Variants in CDH8 observed in about 807,000 individuals in gnomAD.
CDH8 encodes the protein cadherin-8.
A neutral mutation model predicts 68.1 loss-of-function variants in CDH8; 17 were observed. The ratio of observed to expected loss-of-function variants is 0.25; its 90% CI spans 0.17 to 0.37. The LOEUF (loss-of-function observed/expected upper bound fraction) is 0.37, where lower values mean the gene tolerates loss of function less well. Ranked by LOEUF, CDH8 falls within the 10% of genes least tolerant of loss-of-function variation. The pLI is 1.00. For missense variants in CDH8, 763 were observed against 999.3 expected (o/e 0.76, Z 3.19); for synonymous variants, 372 against 365.1 (o/e 1.02, Z -0.21).
At chr16:61,781,050 C>T (rs1467902133) in intron 8 of CDH8, among the ~76,000 whole-genome samples, 1 of 152,200 alleles carries the variant, frequency 6.6e-6, no homozygotes, top group African/African-American at 2.4e-5. Context: ...TGTTTCTTGG[C>T]CAAAATGCAC....
chr16:61,728,677 T>C (rs1475955177), intron 8 of CDH8, among the ~76,000 whole-genome samples: 4 of 151,140 alleles, frequency 2.6e-5, no homozygotes, highest in Non-Finnish European at 4.5e-5. Flanking sequence ...CTAGGAAGTT[T>C]ATAATTTGAG....
At chr16:61,794,698 G>T (rs1053656738) in intron 7 of CDH8, among the ~76,000 whole-genome samples, 1 of 152,034 alleles carries the variant, frequency 6.6e-6, no homozygotes, top group Non-Finnish European at 1.5e-5. Context: ...GAAAGATGAA[G>T]CTGGGAAGGG....
chr16:62,007,816 AT>A, intron 2 of CDH8, among the ~76,000 whole-genome samples: 1 of 151,296 alleles, frequency 6.6e-6, no homozygotes, highest in East Asian at 2.0e-4. Context: ...CTCAGTCTTC[AT>A]TTTCACTTTA....
At chr16:61,668,846 GA>G (rs1963732975) in intron 10 of CDH8, among the ~76,000 whole-genome samples, 1 of 151,878 alleles carries the variant, frequency 6.6e-6, no homozygotes, top group Admixed American at 6.6e-5. Flanking sequence ...TAAGAAACTG[GA>G]AAAAGACAGA....
At chr16:61,733,706 T>C (rs1959600008) in intron 8 of CDH8, among the ~76,000 whole-genome samples, 1 of 151,710 alleles carries the variant, frequency 6.6e-6, no homozygotes, top group Non-Finnish European at 1.5e-5. Flanking sequence ...CAGATAAATT[T>C]CTCCAGCTGT....
Position 61,653,634 on chromosome 16 carries a change from C to G in CDH8, c.2374G>C (p.Val792Leu). The change falls in exon 12 of 12, where the codon GTT (valine) becomes CTT (leucine). Residue 792 changes from valine (V) to leucine (L), a missense_variant. Coordinates refer to ENST00000577390, the MANE Select transcript of CDH8 (RefSeq NM_001796.5). ...CAAGTTTCTTTGTCACTTTCACCAA[C>G]AGAGTAGAGTTCGCCCAGTCTCTTA... is the stretch of plus-strand genomic sequence containing the variant. ...RFKRLGELYS[V>L]GESDKET is the part of the protein sequence containing the mutation. 6.2e-7 allele frequency: 1 copy of G among 1,611,736 alleles called. No homozygotes were observed. Among genetic ancestry groups the G allele is most frequent in the Non-Finnish European group, 8.5e-7 (1 of 1,179,314 alleles).
At chr16:61,795,272 T>C (rs1961469863) in intron 7 of CDH8, among the ~76,000 whole-genome samples, 1 of 152,092 alleles carries the variant, frequency 6.6e-6, no homozygotes, top group African/African-American at 2.4e-5. Flanking sequence ...TCAGGCATCA[T>C]GATTTGAGGT....
At chr16:61,656,798 G>T (rs1233145501) in intron 10 of CDH8, among the ~76,000 whole-genome samples, 7 of 152,118 alleles carry the variant, frequency 4.6e-5, no homozygotes, top group African/African-American at 1.4e-4. Flanking sequence ...AGAAGTGATT[G>T]GTCCCACATT....
At chr16:61,707,362 T>C (rs2142859708) in intron 10 of CDH8, among the ~76,000 whole-genome samples, 1 of 152,306 alleles carries the variant, frequency 6.6e-6, no homozygotes, top group East Asian at 1.9e-4. Context: ...CAGACAAATG[T>C]TCAAGATTAT....
rs1306440227 is a variant in CDH8, at chr16:61,648,011, AG to A, written c.*5596del. 6 of 597,410 alleles carry A rather than the reference AG, an allele frequency of 1.0e-5. No homozygotes were observed. In the Admixed American group the frequency reaches 1.6e-4, roughly 16 times the overall value. The allele number at this position is 597,410 out of a possible 1,614,324, so 37.0% of individuals were successfully genotyped here. On this transcript the variant is annotated 3_prime_UTR_variant, in exon 12 of 12. Transcript: ENST00000577390. ...CTCAAGTTGGGGAAATAGTACCCAA[AG>A]GCACTATTTTCACCAGCAAATGCCT...
chr16:61,710,398 G>A (rs539987171), intron 10 of CDH8, among the ~76,000 whole-genome samples: 19 of 152,040 alleles, frequency 1.2e-4, no homozygotes, highest in Non-Finnish European at 2.2e-4. Context: ...GTAACACGAG[G>A]CATGTTTATT....
intron 2 of CDH8, among the ~76,000 whole-genome samples, chr16:61,904,775 C>T (rs1964035661): frequency 6.6e-6 from 1 of 152,160 alleles, no homozygotes; most frequent in African/African-American, 2.4e-5. Flanking sequence ...TCATGTGAAA[C>T]ATATAAAACA....
At chr16:61,922,615 T>C (rs997704915) in intron 2 of CDH8, among the ~76,000 whole-genome samples, 1 of 152,202 alleles carries the variant, frequency 6.6e-6, no homozygotes, top group African/African-American at 2.4e-5. Context: ...AAGTTCTTTT[T>C]AGAGATCTGT....
intron 1 of CDH8, among the ~76,000 whole-genome samples, chr16:62,033,397 C>G (rs1902374784): frequency 6.6e-6 from 1 of 152,150 alleles, no homozygotes; most frequent in South Asian, 2.1e-4. Flanking sequence ...AGACTGCTAT[C>G]AAATTTTCTG....
chr16:61,825,225 C>T (rs775621593), intron 4 of CDH8, 46 bp from the exon 5 acceptor site: 1 of 1,503,296 alleles, frequency 6.7e-7, no homozygotes, highest in East Asian at 2.3e-5. Flanking sequence ...AGAGCTAATT[C>T]AAAAATGAAA....
At chr16:61,972,685 A>G (rs981537876) in intron 2 of CDH8, among the ~76,000 whole-genome samples, 1 of 151,656 alleles carries the variant, frequency 6.6e-6, no homozygotes, top group Non-Finnish European at 1.5e-5. Context: ...CATGAGCAGG[A>G]ATATGACCCA....
Position 61,652,459 on chromosome 16 carries a change from G to C in CDH8, c.*1149C>G. ...CTTGTAGTAAAAACACCAAATACTA[G>C]GATTATGAACAAAATAGAAAACAGT... On this transcript the variant is annotated 3_prime_UTR_variant, in exon 12 of 12. Coordinates refer to ENST00000577390, the MANE Select transcript of CDH8 (RefSeq NM_001796.5). 2.0e-6 allele frequency: 2 copies of C among 986,964 alleles called. No homozygotes were observed. The highest frequency in any genetic ancestry group is 2.4e-6 in the Non-Finnish European group (2 of 830,848). The allele number at this position is 986,964 out of a possible 1,614,324, so 61.1% of individuals were successfully genotyped here.
chr16:61,838,367 A>C (rs755300942), intron 4 of CDH8, among the ~76,000 whole-genome samples: 2 of 152,134 alleles, frequency 1.3e-5, no homozygotes, highest in Non-Finnish European at 2.9e-5. Flanking sequence ...CGGATATTGA[A>C]GTTCCACCTT....
intron 3 of CDH8, among the ~76,000 whole-genome samples, chr16:61,860,849 G>A (rs1029639322): frequency 1.4e-4 from 21 of 152,114 alleles, no homozygotes; most frequent in African/African-American, 1.2e-4. Context: ...CTGAAAAACC[G>A]TGTTGTTTTA....
Sources: allele counts gnomAD v4.1 joint callset (sites outside exome capture counted in the v4.1 genomes callset), GRCh38; gene constraint gnomAD v4.1.1; transcripts MANE v1.5; gene names NCBI Gene and HGNC (gene_info 2026-07-23, HGNC 2026-07-21).